Variants in SYN3 observed in about 807,000 individuals in gnomAD.
SYN3 encodes synapsin III, also known as synapsin-3.
A neutral mutation model predicts 65.8 loss-of-function variants in SYN3; 35 were observed. That is an observed-to-expected ratio of 0.53 (90% CI 0.41 to 0.70). The LOEUF is 0.70. Among genes scored for constraint, SYN3 ranks in the 30% least tolerant of loss-of-function variants. SYN3 has a pLI of 0.00. For synonymous variants in SYN3, 270 were observed against 292.9 expected (o/e 0.92, Z 0.80); for missense variants, 680 against 749.0 (o/e 0.91, Z 1.08).
chr22:32,641,557 G>C (rs868743156), intron 6 of SYN3, among the ~76,000 whole-genome samples: 1 of 144,106 alleles, frequency 6.9e-6, no homozygotes, highest in South Asian at 2.2e-4. Flanking sequence ...GCAGTGAGCC[G>C]AGATGGTGCC....
intron 6 of SYN3, among the ~76,000 whole-genome samples, chr22:32,607,378 C>A (rs1355777322): frequency 6.6e-6 from 1 of 152,184 alleles, no homozygotes; most frequent in Admixed American, 6.5e-5. Flanking sequence ...GTTCTCTTCT[C>A]TTCTTGTACC....
chr22:32,525,014 C>CA (rs949554171), intron 12 of SYN3, among the ~76,000 whole-genome samples: 20 of 150,472 alleles, frequency 1.3e-4, no homozygotes, highest in Non-Finnish European at 1.9e-4. Context: ...GACTCTGTCT[C>CA]AAAAAAAAAA....
In SYN3 at chr22:32,513,831, C is replaced by T. The variant is rs1568991177; in HGVS notation, c.1611-7G>A. The T allele has an allele frequency of 6.2e-7, 1 of 1,614,042 alleles. No individual in the cohort carries two copies. Among genetic ancestry groups the T allele is most frequent in the South Asian group, 1.1e-5 (1 of 91,056 alleles). ...AGTCAGGGACTGAGATTTGCTGAAA[C>T]AGAAAGGCAAGGGGGTTGAGGAAGA... On this transcript the variant is annotated splice_polypyrimidine_tract_variant and splice_region_variant and intron_variant, in intron 13 of 13. Transcript: ENST00000358763.
chr22:32,817,002 G>A (rs1383977328), intron 6 of SYN3, among the ~76,000 whole-genome samples: 2 of 151,640 alleles, frequency 1.3e-5, no homozygotes, highest in Non-Finnish European at 1.5e-5. Flanking sequence ...AGGATCGCTT[G>A]AGCCCAGGAA....
Position 33,006,779 on chromosome 22 carries a change from G to A in SYN3, c.-117C>T. Reference sequence around the variant, plus strand: ...GGACTTTAGCCAGAAGAGCCAGGGGGATTTTGCGCAACCAGCAGTCAGCTT... The same window carrying A: ...GGACTTTAGCCAGAAGAGCCAGGGGAATTTTGCGCAACCAGCAGTCAGCTT... On this transcript the variant is annotated 5_prime_UTR_variant, in exon 2 of 14. Transcript: ENST00000358763. 1 of 1,040,766 alleles carries A rather than the reference G, an allele frequency of 9.6e-7. No homozygotes were observed. The highest frequency in any genetic ancestry group is 1.4e-6 in the Non-Finnish European group (1 of 724,584). 64.5% of individuals were successfully genotyped at this position (1,040,766 alleles called of 1,614,324 possible). A position where few individuals can be genotyped will look rare whatever the true frequency, so the allele number is the denominator to read the frequency against.
Position 32,518,094 on chromosome 22 carries a change from G to T in SYN3, c.1559C>A (p.Ser520Tyr), listed in dbSNP as rs2057808715. 1.3e-6 allele frequency: 2 copies of T among 1,555,262 alleles called. No individual in the cohort carries two copies. The highest frequency in any genetic ancestry group is 1.7e-6 in the Non-Finnish European group (2 of 1,153,494). Residue 520 changes from serine to tyrosine, a missense_variant, in exon 13 of 14, where the codon TCC becomes TAC. Transcript: ENST00000358763. ...PRPPVQGRST[S>Y]QQGEESKKPA... ...CTTCTTGGACTCTTCACCCTGCTGG[G>T]AGGTACTACGGCCCTGCACAGGGGG...
At chr22:32,566,462 G>A (rs1379464401) in intron 7 of SYN3, among the ~76,000 whole-genome samples, 2 of 152,156 alleles carry the variant, frequency 1.3e-5, no homozygotes, top group African/African-American at 2.4e-5. Flanking sequence ...AAGGAGCCTG[G>A]GAAAGCCTGG....
At chr22:32,650,769 T>C (rs539129605) in intron 6 of SYN3, among the ~76,000 whole-genome samples, 1 of 152,316 alleles carries the variant, frequency 6.6e-6, no homozygotes, top group South Asian at 2.1e-4. Context: ...GTGTTTACTG[T>C]ACAGCGCTGT....
At chr22:32,768,555 G>A (rs945917059) in intron 6 of SYN3, among the ~76,000 whole-genome samples, 10 of 152,042 alleles carry the variant, frequency 6.6e-5, no homozygotes, top group Admixed American at 6.6e-4. Context: ...CTGCTTCCTG[G>A]ATATCTAATG....
chr22:32,624,359 G>T (rs1259713958), intron 6 of SYN3, among the ~76,000 whole-genome samples: 1 of 152,196 alleles, frequency 6.6e-6, no homozygotes, highest in African/African-American at 2.4e-5. Context: ...CAGTCCCCAG[G>T]ATGAGCAGCA....
chr22:32,563,608 C>T (rs1478495168), intron 7 of SYN3, among the ~76,000 whole-genome samples: 3 of 152,170 alleles, frequency 2.0e-5, no homozygotes, highest in Non-Finnish European at 4.4e-5. Flanking sequence ...CGAGAGGACC[C>T]TGGAAAAGTT....
intron 6 of SYN3, among the ~76,000 whole-genome samples, chr22:32,730,127 C>A (rs902713263): frequency 3.9e-5 from 6 of 152,192 alleles, no homozygotes; most frequent in Non-Finnish European, 7.3e-5. Context: ...CTATAGAAGT[C>A]ACCTAGTCTA....
chr22:33,012,634 T>C (rs1162930167), intron 1 of SYN3, among the ~76,000 whole-genome samples: 1 of 152,236 alleles, frequency 6.6e-6, no homozygotes, highest in Non-Finnish European at 1.5e-5. Context: ...AAAAGCAGAT[T>C]TGGGCTGAGA....
intron 3 of SYN3, among the ~76,000 whole-genome samples, chr22:32,944,722 G>C (rs1228507499): frequency 2.0e-5 from 3 of 152,086 alleles, no homozygotes; most frequent in South Asian, 4.2e-4. Flanking sequence ...AGAAATAAAG[G>C]GCATTCAATT....
chr22:32,796,812 C>A (rs1440161217), intron 6 of SYN3, among the ~76,000 whole-genome samples: 1 of 152,108 alleles, frequency 6.6e-6, no homozygotes, highest in Non-Finnish European at 1.5e-5. Context: ...GTTGAATTTC[C>A]AAAACCCAGC....
intron 6 of SYN3, among the ~76,000 whole-genome samples, chr22:32,756,116 T>C (rs2045282912): frequency 6.6e-6 from 1 of 152,072 alleles, no homozygotes; most frequent in African/African-American, 2.4e-5. Flanking sequence ...AAATACCTAA[T>C]GTAGATGACA....
At chr22:32,870,339 T>G (rs2048816516) in intron 4 of SYN3, among the ~76,000 whole-genome samples, 1 of 152,070 alleles carries the variant, frequency 6.6e-6, no homozygotes, top group African/African-American at 2.4e-5. Flanking sequence ...GATTTTAATG[T>G]TTTCCACATA....
rs543297052 is a variant in SYN3, at chr22:32,880,047, C to T, written c.462-10922G>A. The stretch of plus-strand genomic sequence containing the variant: ...CTTCCTGGGATGATTGTCTCCCATG[C>T]CAGAACTTGAAGCCAAGGTTTTTGA... On this transcript the variant is annotated intron_variant, in intron 4 of 13. Coordinates refer to ENST00000358763, the MANE Select transcript of SYN3 (RefSeq NM_003490.4). 1.8e-4 allele frequency among the ~76,000 whole-genome samples: 27 copies of T among 152,276 alleles called. 1 individual carries two copies. The South Asian group carries it at 5.4e-3, about 30-fold the overall frequency.
At chr22:32,525,696 G>A (rs1251568599) in intron 12 of SYN3, among the ~76,000 whole-genome samples, 4 of 142,778 alleles carry the variant, frequency 2.8e-5, no homozygotes, top group Admixed American at 2.8e-4. Flanking sequence ...GGGCGACAAG[G>A]AGACTCCGTC....
Sources: allele counts gnomAD v4.1 joint callset (sites outside exome capture counted in the v4.1 genomes callset), GRCh38; gene constraint gnomAD v4.1.1; transcripts MANE v1.5; gene names NCBI Gene and HGNC (gene_info 2026-07-23, HGNC 2026-07-21).